Variants in TEX15 observed in about 807,000 individuals in gnomAD.
TEX15 encodes the protein testis expressed 15, meiosis and synapsis associated.
TEX15 carries 171 observed loss-of-function variants against 237.3 expected under a neutral mutation model. The observed-to-expected ratio is 0.72, with a 90% confidence interval of 0.64 to 0.82. TEX15 has a LOEUF of 0.82. Ranked by LOEUF, TEX15 falls within the 40% of genes least tolerant of loss-of-function variation. The pLI is 0.00. For missense variants in TEX15, 3,750 were observed against 3,646.5 expected (o/e 1.03, Z -0.73); for synonymous variants, 1,338 against 1,269.8 (o/e 1.05, Z -1.14).
At chr8:30,882,650 T>C (rs1438200057) in intron 3 of TEX15, among the ~76,000 whole-genome samples, 1 of 152,200 alleles carries the variant, frequency 6.6e-6, no homozygotes. Context: ...TTGATGCATG[T>C]TCCACAGGTG....
In TEX15 at chr8:30,845,598, G is replaced by A. The variant is rs149598980; in HGVS notation, c.4569C>T (p.Ser1523=). ...CTGACTGACTTGTACTTTGGGATGT[G>A]GAGGATACAGGCAACTGTGATTCAG... ...EHPESQLPVS[S]TSQSTSQSVY... The change falls in exon 8 of 11, where the codon TCC becomes TCT. Residue 1523 remains serine (S), a synonymous_variant. Coordinates refer to ENST00000643185, the MANE Select transcript of TEX15 (RefSeq NM_001350162.2). 503 of 1,613,592 alleles carry A rather than the reference G, an allele frequency of 3.1e-4. No homozygotes were observed. In the African/African-American group the frequency reaches 6.0e-3, roughly 19 times the overall value.
In TEX15 at chr8:30,843,645, A is replaced by G. The variant is rs1288932917; in HGVS notation, c.6522T>C (p.Asn2174=). 7 of 1,612,726 alleles carry G rather than the reference A, an allele frequency of 4.3e-6. No individual in the cohort carries two copies. Among genetic ancestry groups the G allele is most frequent in the Non-Finnish European group, 5.1e-6 (6 of 1,179,638 alleles). ...AATGCTCCATTATGGCTTCACATTCATTAACCTGTCGTTTGTACTTTAAGA... is the reference window on the plus strand; with the variant it reads ...AATGCTCCATTATGGCTTCACATTCGTTAACCTGTCGTTTGTACTTTAAGA... The part of the protein sequence containing the change: ...YVFLKYKRQV[N]ECEAIMEHCS... Residue 2174 remains asparagine (N), a synonymous_variant, in exon 8 of 11, where the codon AAT becomes AAC. Transcript: ENST00000643185.
Position 30,848,062 on chromosome 8 carries a change from T to A in TEX15, c.2105A>T (p.Asp702Val). 1 of 1,613,660 alleles carries A rather than the reference T, an allele frequency of 6.2e-7. No homozygotes were observed. Among genetic ancestry groups the A allele is most frequent in the Non-Finnish European group, 8.5e-7 (1 of 1,179,910 alleles). The change falls in exon 8 of 11, where the codon GAT becomes GTT. Residue 702 changes from aspartate (D) to valine (V), a missense_variant. Asp to Val is a radical substitution (Grantham distance 152). Coordinates refer to ENST00000643185, the MANE Select transcript of TEX15 (RefSeq NM_001350162.2). ...TTCCAATGCTAGATGATCTAGTTCA[T>A]CCTTATCCTTTATGGTAGATGTAGA... is the stretch of plus-strand genomic sequence containing the variant. ...KSSTSTIKDK[D>V]ELDHLALEWQ... is the part of the protein sequence containing the mutation.
chr8:30,875,839 T>A (rs1201098885), intron 3 of TEX15, among the ~76,000 whole-genome samples: 1 of 151,488 alleles, frequency 6.6e-6, no homozygotes, highest in African/African-American at 2.4e-5. Context: ...AGAGACAGGC[T>A]CTCACTCAGT....
chr8:30,907,996 T>C (rs1809144600), intron 1 of TEX15, among the ~76,000 whole-genome samples: 1 of 152,076 alleles, frequency 6.6e-6, no homozygotes, highest in South Asian at 2.1e-4. Context: ...ACTGCAGCCT[T>C]GACCTCTCAG....
chr8:30,892,554 C>T (rs1037256103), intron 2 of TEX15, among the ~76,000 whole-genome samples: 1 of 152,158 alleles, frequency 6.6e-6, no homozygotes, highest in Non-Finnish European at 1.5e-5. Context: ...ATAAGTTATA[C>T]TGTTATATTA....
chr8:30,879,727 T>C (rs1808478063), intron 3 of TEX15, among the ~76,000 whole-genome samples: 1 of 152,212 alleles, frequency 6.6e-6, no homozygotes. Context: ...ACTTCTTCTA[T>C]TTCAAAATTG....
intron 1 of TEX15, 100 bp downstream of exon 1, chr8:30,912,779 A>T (rs921927525): frequency 2.0e-5 from 3 of 152,064 alleles, no homozygotes; most frequent in Admixed American, 6.5e-5. Flanking sequence ...AGCGTCTGAG[A>T]CTCCCCATAA....
At chr8:30,868,356 T>C (rs573900852) in intron 4 of TEX15, among the ~76,000 whole-genome samples, 52 of 152,112 alleles carry the variant, frequency 3.4e-4, no homozygotes, top group African/African-American at 1.2e-3. Flanking sequence ...AATTGCCACA[T>C]CAGGTGGTAC....
chr8:30,894,880 A>G (rs893849876), intron 2 of TEX15, among the ~76,000 whole-genome samples: 1 of 152,056 alleles, frequency 6.6e-6, no homozygotes, highest in Non-Finnish European at 1.5e-5. Flanking sequence ...GACTGTGAAG[A>G]CCTCCTTTGT....
chr8:30,843,875 T>C lies in TEX15; in HGVS notation c.6292A>G (p.Thr2098Ala). ...TCATACCAAAGCAAGCTTCGCAATG[T>C]TGGTTCACCTTCTAAGTGCCTTTTT... ...NKKRHLEGEP[T>A]LRSLLWYDET... The change falls in exon 8 of 11, where the codon ACA becomes GCA. Residue 2098 changes from threonine to alanine, a missense_variant. Coordinates refer to ENST00000643185, the MANE Select transcript of TEX15 (RefSeq NM_001350162.2). 6.2e-7 allele frequency: 1 copy of C among 1,612,658 alleles called. No homozygotes were observed. The highest frequency in any genetic ancestry group is 8.5e-7 in the Non-Finnish European group (1 of 1,179,472).
chr8:30,831,581 C>T lies in TEX15; in HGVS notation c.*1705G>A, dbSNP rs570547153. 9 of 151,988 alleles carry T rather than the reference C, an allele frequency of 5.9e-5. No homozygotes were observed. Among genetic ancestry groups the T allele is most frequent in the South Asian group, 4.2e-4 (2 of 4,812 alleles). The allele number at this position is 151,988 out of a possible 1,614,324, so 9.4% of individuals were successfully genotyped here. ...TATTCCATGTTTTAATATTCTGTCA[C>T]GTACAGATTTTTTAAAAATGTAACT... is the stretch of plus-strand genomic sequence containing the variant. On this transcript the variant is annotated 3_prime_UTR_variant, in exon 11 of 11. Transcript: ENST00000643185.
At chr8:30,834,443 A>T (rs1473850134) in intron 10 of TEX15, among the ~76,000 whole-genome samples, 3 of 152,050 alleles carry the variant, frequency 2.0e-5, no homozygotes, top group Non-Finnish European at 4.4e-5. Context: ...GAGTGCTGGG[A>T]TTACAGGCAT....
chr8:30,860,177 T>C, intron 5 of TEX15, 120 bp from the exon 6 acceptor site: 1 of 893,150 alleles, frequency 1.1e-6, no homozygotes, highest in Non-Finnish European at 1.6e-6. Flanking sequence ...GGTCTCACTC[T>C]GTTCAGTCCA....
chr8:30,886,002 T>C (rs111558152), intron 3 of TEX15, among the ~76,000 whole-genome samples: 1,978 of 152,316 alleles, frequency 0.013, 46 homozygotes, highest in African/African-American at 0.045. Flanking sequence ...AGTATCTTCA[T>C]GGTAGCTGCT....
Position 30,867,280 on chromosome 8 carries a change from A to G in TEX15, c.525T>C (p.Ser175=), listed in dbSNP as rs1184840563. ...TGATACCTACCTTAAAAATTAAAAT[A>G]CTTTCTACAGTAATGCTTTGACTAT... is the stretch of plus-strand genomic sequence containing the variant. ...YSHSQSITVE[S]ILIFKVLFGK... Residue 175 remains serine, a synonymous_variant, in exon 5 of 11, where the codon AGT becomes AGC. Coordinates refer to ENST00000643185, the MANE Select transcript of TEX15 (RefSeq NM_001350162.2). The G allele has an allele frequency of 6.7e-7, 1 of 1,484,442 alleles. No individual in the cohort carries two copies. Among genetic ancestry groups the G allele is most frequent in the East Asian group, 2.5e-5 (1 of 40,586 alleles). The allele number at this position is 1,484,442 out of a possible 1,614,324, so 92.0% of individuals were successfully genotyped here.
chr8:30,892,011 C>G (rs553371035), intron 2 of TEX15, among the ~76,000 whole-genome samples: 9 of 152,216 alleles, frequency 5.9e-5, no homozygotes. Context: ...TTAGTCCCAA[C>G]TACGAATATT....
chr8:30,860,358 T>A (rs1808020009), intron 5 of TEX15, among the ~76,000 whole-genome samples: 1 of 151,612 alleles, frequency 6.6e-6, no homozygotes, highest in Non-Finnish European at 1.5e-5. Flanking sequence ...GCAATTCTCC[T>A]GCCTTGGCCT....
rs758639776 is a variant in TEX15, at chr8:30,843,818, GT to G, written c.6348del (p.Lys2116AsnfsTer19). 1 of 1,613,008 alleles carries G rather than the reference GT, an allele frequency of 6.2e-7. No homozygotes were observed. Among genetic ancestry groups the G allele is most frequent in the East Asian group, 2.2e-5 (1 of 44,858 alleles). On this transcript the variant is annotated frameshift_variant, in exon 8 of 11. Coordinates refer to ENST00000643185, the MANE Select transcript of TEX15 (RefSeq NM_001350162.2). LOFTEE classifies it high-confidence loss of function. The stretch of plus-strand genomic sequence containing the variant: ...TTAGACTGCTGTTGAAATCCACGTG[GT>G]TTTCCAAGAAGCTCAGCATACAGTG... ...DETLYAELLG[K>X]PRGFQQQSNF...
Sources: allele counts gnomAD v4.1 joint callset (sites outside exome capture counted in the v4.1 genomes callset), GRCh38; gene constraint gnomAD v4.1.1; transcripts MANE v1.5; gene names NCBI Gene and HGNC (gene_info 2026-07-23, HGNC 2026-07-21).